Variants in TNN observed in about 807,000 individuals in gnomAD.
TNN encodes the protein tenascin N, also known as tenascin-N.
Under a neutral mutation model 134.4 loss-of-function variants are expected in TNN, and 122 were observed. The observed-to-expected ratio is 0.91, with a 90% confidence interval of 0.78 to 1.06. The LOEUF (loss-of-function observed/expected upper bound fraction) is 1.06, where lower values mean the gene tolerates loss of function less well. TNN is among the 50% of genes least tolerant of loss of function. The pLI, the probability that TNN is intolerant of heterozygous loss-of-function variation, is 0.00. For missense variants in TNN, 1,739 were observed against 1,699.4 expected, an observed-to-expected ratio of 1.02 and a Z score of -0.41; for synonymous variants, 710 against 670.3, an observed-to-expected ratio of 1.06 and a Z score of -0.91.
intron 10 of TNN, among the ~76,000 whole-genome samples, chr1:175,118,021 T>C (rs958933877): frequency 6.6e-6 from 1 of 152,228 alleles, no homozygotes; most frequent in African/African-American, 2.4e-5. Flanking sequence ...ATTCCTTTAG[T>C]AATATATAGT....
At chr1:175,076,959 A>C (rs1674055546) in intron 1 of TNN, among the ~76,000 whole-genome samples, 1 of 152,266 alleles carries the variant, frequency 6.6e-6, no homozygotes, top group Admixed American at 6.5e-5. Flanking sequence ...GAACATTTAG[A>C]ATAGTGCCTG....
intron 6 of TNN, among the ~76,000 whole-genome samples, chr1:175,089,796 C>T (rs1267998705): frequency 6.6e-6 from 1 of 152,222 alleles, no homozygotes; most frequent in East Asian, 1.9e-4. Context: ...TCAGAACTTT[C>T]CTCCTTAGAC....
intron 11 of TNN, among the ~76,000 whole-genome samples, chr1:175,121,988 G>C (rs1267601169): frequency 6.6e-6 from 1 of 152,218 alleles, no homozygotes. Flanking sequence ...GTATAAACTA[G>C]TCAGGGGCTC....
At chr1:175,122,543 AGAAG>A (rs1675406301) in intron 11 of TNN, among the ~76,000 whole-genome samples, 1 of 94,384 alleles carries the variant, frequency 1.1e-5, no homozygotes, top group South Asian at 3.2e-4. Context: ...GAGTGTTTCA[AGAAG>A]GAAGGAGTGG....
At position 175,117,219 on chromosome 1, in the gene TNN, T is replaced by C; in HGVS notation, c.2386+14T>C. ...AGGCCCAGACAGGTAAGGAGCATTG[T>C]TCTTTGGGAATATAAGAGCTTTCAT... On this transcript the variant is annotated intron_variant, in intron 10 of 18. Coordinates refer to ENST00000239462, the MANE Select transcript of TNN (RefSeq NM_022093.2). 6.8e-6 allele frequency: 11 copies of C among 1,610,792 alleles called. No individual in the cohort carries two copies. The South Asian group carries it at 9.9e-5, about 15-fold the overall frequency.
chr1:175,123,770 G>A, intron 12 of TNN, 107 bp downstream of exon 12: 5 of 1,523,044 alleles, frequency 3.3e-6, no homozygotes, highest in Admixed American at 4.5e-5. Flanking sequence ...CTTTACCCGA[G>A]GACATTCTTC....
At chr1:175,125,709 C>A (rs905052948) in intron 12 of TNN, among the ~76,000 whole-genome samples, 1 of 21,354 alleles carries the variant, frequency 4.7e-5, no homozygotes, top group Admixed American at 5.7e-4. Flanking sequence ...TTCTCTCTTT[C>A]TTTCTTTCTT....
At chr1:175,099,919 C>G (rs1674677713) in intron 9 of TNN, among the ~76,000 whole-genome samples, 1 of 152,064 alleles carries the variant, frequency 6.6e-6, no homozygotes, top group African/African-American at 2.4e-5. Flanking sequence ...CCCCCAGCGC[C>G]TCTCTGGTGG....
At chr1:175,080,511 G>A in intron 4 of TNN, 85 bp downstream of exon 4, 1 of 1,527,760 alleles carries the variant, frequency 6.5e-7, no homozygotes, top group Non-Finnish European at 8.9e-7. Flanking sequence ...GTAGGCAGTT[G>A]CCTTGATTAG....
intron 6 of TNN, among the ~76,000 whole-genome samples, chr1:175,092,317 G>T (rs183872027): frequency 2.8e-4 from 42 of 152,254 alleles, no homozygotes; most frequent in Middle Eastern, 3.4e-3. Flanking sequence ...GCCTCCAGAG[G>T]CCCTGGCCAT....
At chr1:175,071,808 G>A (rs1002013997) in intron 1 of TNN, among the ~76,000 whole-genome samples, 1 of 152,166 alleles carries the variant, frequency 6.6e-6, no homozygotes, top group Admixed American at 6.5e-5. Context: ...ATTAAATGAG[G>A]ATAATTTTTA....
intron 12 of TNN, among the ~76,000 whole-genome samples, chr1:175,126,729 G>A (rs538684595): frequency 4.9e-4 from 75 of 152,236 alleles, no homozygotes; most frequent in African/African-American, 1.7e-3. Flanking sequence ...CCTTTCCTCT[G>A]GGACCCACCC....
intron 1 of TNN, among the ~76,000 whole-genome samples, chr1:175,071,438 TTCCTAGGAAGGGAATTC>T (rs920306957): frequency 1.8e-4 from 28 of 152,142 alleles, no homozygotes; most frequent in African/African-American, 6.8e-4. Context: ...ACTTTGGTGT[TTCCTAGGAAGGGAATTC>T]TCCAGCTTCT....
chr1:175,092,457 G>A (rs1236017192), intron 6 of TNN, among the ~76,000 whole-genome samples: 2 of 152,180 alleles, frequency 1.3e-5, no homozygotes, highest in African/African-American at 2.4e-5. Context: ...CAAGGCAATA[G>A]TTCAAGAACG....
rs913067716 is a variant in TNN at position 175,128,503 on chromosome 1, C to G, written c.3179-92C>G. 5 of 1,416,984 alleles carry G rather than the reference C, an allele frequency of 3.5e-6. No homozygotes were observed. In the Admixed American group the frequency reaches 1.2e-4, roughly 35 times the overall value. 87.8% of individuals were successfully genotyped at this position (1,416,984 alleles called of 1,614,324 possible). ...AAGTAGGAAGTTATGAAATAATTTC[C>G]AAACAAAATAAATTGCCTTAAAATA... On this transcript the variant is annotated intron_variant, in intron 14 of 18. Coordinates refer to ENST00000239462, the MANE Select transcript of TNN (RefSeq NM_022093.2).
At chr1:175,133,067 A>G (rs888333441) in intron 15 of TNN, among the ~76,000 whole-genome samples, 3 of 152,230 alleles carry the variant, frequency 2.0e-5, no homozygotes, top group African/African-American at 7.2e-5. Flanking sequence ...AGGCAGAGAG[A>G]GAAATGCAAT....
chr1:175,117,187 G>T lies in TNN; in HGVS notation c.2368G>T (p.Asp790Tyr). ...GGGGGCCCAGGAGAGCAAGAAGGCT[G>T]ACACCAAGGCCCAGACAGGTAAGGA... ...QKGAQESKKA[D>Y]TKAQTDIDSP... Residue 790 changes from aspartate to tyrosine, a missense_variant, in exon 10 of 19, where the codon GAC becomes TAC. Physicochemically the swap from Asp to Tyr is radical, Grantham distance 160. Coordinates refer to ENST00000239462, the MANE Select transcript of TNN (RefSeq NM_022093.2). The T allele has an allele frequency of 6.2e-7, 1 of 1,614,252 alleles. No individual in the cohort carries two copies. Among genetic ancestry groups the T allele is most frequent in the Non-Finnish European group, 8.5e-7 (1 of 1,180,026 alleles).
Position 175,147,056 on chromosome 1 carries a change from G to C in TNN, c.3885G>C (p.Arg1295Ser), listed in dbSNP as rs369994542. The C allele has an allele frequency of 3.8e-6, 6 of 1,582,924 alleles. No individual in the cohort carries two copies. The highest frequency in any genetic ancestry group is 5.2e-6 in the Non-Finnish European group (6 of 1,164,910). Residue 1295 changes from arginine (R) to serine (S), a missense_variant, in exon 19 of 19, where the codon AGG becomes AGC. Physicochemically the swap from Arg to Ser is moderately radical, Grantham distance 110. Transcript: ENST00000239462. ...LGRKKRTLRGRLRTF is the reference protein window; with the variant it reads ...LGRKKRTLRGSLRTF ...GAAAGAAGCGGACGCTGAGAGGAAG[G>C]CTGCGAACGTTCTGATGGCCCGTGT...
At chr1:175,072,936 T>TC (rs1673953951) in intron 1 of TNN, among the ~76,000 whole-genome samples, 1 of 131,088 alleles carries the variant, frequency 7.6e-6, no homozygotes, top group Non-Finnish European at 1.6e-5. Flanking sequence ...CTTTTTTTTT[T>TC]TTTTTTTTTT....
Sources: gnomAD v4.1 joint callset for allele counts (sites outside exome capture counted in the v4.1 genomes callset) on GRCh38, gnomAD v4.1.1 for gene constraint, MANE v1.5 for transcripts, NCBI Gene and HGNC (gene_info 2026-07-23, HGNC 2026-07-21) for gene names.